The following TAFA2 variants were observed in gnomAD, a reference collection of about 807,000 sequenced individuals.
The protein encoded by TAFA2 is chemokine-like protein TAFA-2.
In TAFA2, 7 loss-of-function variants were observed where a neutral mutation model predicts 18.8. That is an observed-to-expected ratio of 0.37 (90% CI 0.21 to 0.70). The LOEUF is 0.70. Ranked by LOEUF, TAFA2 falls within the 30% of genes least tolerant of loss-of-function variation. TAFA2 has a pLI of 0.53. For synonymous variants in TAFA2, 60 were observed against 54.2 expected (o/e 1.11, Z -0.47); for missense variants, 122 against 158.1 (o/e 0.77, Z 1.23).
At chr12:61,914,597 A>T (rs1427700508) in intron 1 of TAFA2, among the ~76,000 whole-genome samples, 2 of 152,190 alleles carry the variant, frequency 1.3e-5, no homozygotes, top group Non-Finnish European at 2.9e-5. Flanking sequence ...AGACATGGAG[A>T]CTTTCCTTCA....
At chr12:61,803,159 A>G (rs920050295) in intron 2 of TAFA2, among the ~76,000 whole-genome samples, 3 of 152,018 alleles carry the variant, frequency 2.0e-5, no homozygotes, top group Non-Finnish European at 4.4e-5. Flanking sequence ...CAAAGGATAA[A>G]TAAGACAAAT....
At chr12:62,152,264 A>G (rs2062333734) in intron 1 of TAFA2, among the ~76,000 whole-genome samples, 1 of 152,254 alleles carries the variant, frequency 6.6e-6, no homozygotes, top group Admixed American at 6.5e-5. Flanking sequence ...TAAAATGAAT[A>G]TGATTTTCTG....
At chr12:62,219,482 GT>G (rs1021358965) in intron 1 of TAFA2, among the ~76,000 whole-genome samples, 1 of 152,102 alleles carries the variant, frequency 6.6e-6, no homozygotes, top group Non-Finnish European at 1.5e-5. Flanking sequence ...CTGAATTTTT[GT>G]ATACCAAGGA....
At chr12:62,218,615 C>G (rs553360066) in intron 1 of TAFA2, among the ~76,000 whole-genome samples, 1 of 152,332 alleles carries the variant, frequency 6.6e-6, no homozygotes, top group South Asian at 2.1e-4. Context: ...ATATGTCAAG[C>G]ACAGCTCTAT....
intron 1 of TAFA2, among the ~76,000 whole-genome samples, chr12:62,034,360 C>T (rs752403572): frequency 6.6e-6 from 1 of 152,106 alleles, no homozygotes; most frequent in Non-Finnish European, 1.5e-5. Flanking sequence ...TTACCTACCT[C>T]GGAAAGGGCC....
intron 1 of TAFA2, among the ~76,000 whole-genome samples, chr12:62,155,482 A>C (rs893076012): frequency 2.0e-5 from 3 of 152,164 alleles, no homozygotes; most frequent in African/African-American, 7.2e-5. Context: ...GAGCCCACAT[A>C]GCCAAATCAA....
intron 1 of TAFA2, among the ~76,000 whole-genome samples, chr12:62,241,775 A>G (rs2062864145): frequency 1.3e-5 from 2 of 152,238 alleles, no homozygotes; most frequent in Non-Finnish European, 2.9e-5. Flanking sequence ...ACTGAATATG[A>G]CCTTATCATC....
intron 1 of TAFA2, among the ~76,000 whole-genome samples, chr12:61,960,841 CA>C (rs1375573740): frequency 6.6e-6 from 1 of 150,922 alleles, no homozygotes; most frequent in Non-Finnish European, 1.5e-5. Flanking sequence ...ACATTTATAA[CA>C]TCTCATAAGC....
Position 62,220,753 on chromosome 12 carries a change from T to TAA in TAFA2, c.-130+38008_-130+38009dup, listed in dbSNP as rs60803826. On this transcript the variant is annotated intron_variant, in intron 1 of 5. Coordinates refer to the TAFA2 transcript ENST00000551619. ...AACCTTGCTATTAATCTAAAACTGC[T>TAA]AAAAAAAAATAGTCTATTTAGAGAG... 7.3e-3 allele frequency among the ~76,000 whole-genome samples: 1,103 copies of TAA among 150,086 alleles called. 2 individuals are homozygous for TAA. Among genetic ancestry groups the TAA allele is most frequent in the Middle Eastern group, 0.014 (4 of 294 alleles).
At chr12:62,019,415 G>GGAACT (rs202042406) in intron 1 of TAFA2, among the ~76,000 whole-genome samples, 7 of 131,462 alleles carry the variant, frequency 5.3e-5, no homozygotes, top group East Asian at 2.2e-4. Flanking sequence ...GCAAAGACTT[G>GGAACT]GACCCAAATG....
chr12:62,088,363 A>T (rs1288139560), intron 1 of TAFA2, among the ~76,000 whole-genome samples: 1 of 152,054 alleles, frequency 6.6e-6, no homozygotes, highest in Non-Finnish European at 1.5e-5. Context: ...AGTTCAAGTA[A>T]TTGATCAAGA....
At chr12:62,112,812 CTG>C (rs904684054) in intron 1 of TAFA2, among the ~76,000 whole-genome samples, 6 of 152,162 alleles carry the variant, frequency 3.9e-5, no homozygotes, top group African/African-American at 1.4e-4. Flanking sequence ...AGTTCTCATG[CTG>C]TGTTTTTCAG....
At chr12:61,872,188 A>G (rs1194316576) in intron 1 of TAFA2, among the ~76,000 whole-genome samples, 1 of 152,210 alleles carries the variant, frequency 6.6e-6, no homozygotes, top group Non-Finnish European at 1.5e-5. Context: ...GGGGGGAATA[A>G]AGGAGATAGT....
chr12:61,997,225 A>C (rs552918493), intron 1 of TAFA2, among the ~76,000 whole-genome samples: 1 of 138,836 alleles, frequency 7.2e-6, no homozygotes, highest in East Asian at 2.3e-4. Flanking sequence ...AAGTGGTCGT[A>C]AGTGCAATTT....
chr12:61,806,159 T>A (rs1871601246), intron 2 of TAFA2, among the ~76,000 whole-genome samples: 1 of 152,148 alleles, frequency 6.6e-6, no homozygotes, highest in Non-Finnish European at 1.5e-5. Flanking sequence ...GTTAGAAAAA[T>A]TGCATATGAT....
At chr12:62,114,928 A>G (rs1869895576) in intron 1 of TAFA2, among the ~76,000 whole-genome samples, 1 of 152,178 alleles carries the variant, frequency 6.6e-6, no homozygotes, top group Non-Finnish European at 1.5e-5. Flanking sequence ...TTTTTGTCAT[A>G]GCTCTTACAT....
At chr12:62,118,838 C>T (rs979733844) in intron 1 of TAFA2, among the ~76,000 whole-genome samples, 3 of 152,074 alleles carry the variant, frequency 2.0e-5, no homozygotes, top group Non-Finnish European at 2.9e-5. Flanking sequence ...TTTTTGTGCT[C>T]TTAACACCAA....
chr12:62,249,090 G>A (rs912150405), intron 1 of TAFA2, among the ~76,000 whole-genome samples: 1 of 151,720 alleles, frequency 6.6e-6, no homozygotes, highest in Admixed American at 6.6e-5. Context: ...CCTTCCCTGT[G>A]GTTTCAGACT....
intron 1 of TAFA2, among the ~76,000 whole-genome samples, chr12:61,995,012 T>C (rs1387414332): frequency 6.6e-6 from 1 of 152,180 alleles, no homozygotes; most frequent in African/African-American, 2.4e-5. Context: ...GTCTCATATT[T>C]CTCCAATTAG....
Sources: allele counts gnomAD v4.1 joint callset (sites outside exome capture counted in the v4.1 genomes callset), GRCh38; gene constraint gnomAD v4.1.1; transcripts MANE v1.5; gene names NCBI Gene and HGNC (gene_info 2026-07-23, HGNC 2026-07-21).